RNMT: variants seen among roughly 807,000 people sequenced by gnomAD.
RNMT encodes the protein mRNA cap guanine-N(7) methyltransferase.
In RNMT, 27 loss-of-function variants were observed where a neutral mutation model predicts 56.0. The observed-to-expected ratio is 0.48, with a 90% CI of 0.36 to 0.67. The LOEUF (loss-of-function observed/expected upper bound fraction) is 0.67, where lower values mean the gene tolerates loss of function less well. RNMT is among the 30% of genes least tolerant of loss of function. RNMT has a pLI of 0.00. For missense variants in RNMT, 519 were observed against 552.1 expected (o/e 0.94, Z 0.60); for synonymous variants, 184 against 176.2 (o/e 1.04, Z -0.35).
intron 7 of RNMT, 135 bp from the exon 8 acceptor site, chr18:13,742,353 A>T: frequency 8.7e-6 from 6 of 688,172 alleles, no homozygotes; most frequent in Non-Finnish European, 1.4e-5. Context: ...AAAAAAAAAA[A>T]GGTAGCCCAG....
intron 8 of RNMT, 132 bp from the exon 9 acceptor site, chr18:13,746,088 C>T: frequency 1.6e-6 from 1 of 609,878 alleles, no homozygotes; most frequent in Non-Finnish European, 3.0e-6. Flanking sequence ...TTTTGTATTA[C>T]TGTATTGTGA....
chr18:13,740,921 A>G (rs1031574438), intron 6 of RNMT, among the ~76,000 whole-genome samples: 1 of 152,220 alleles, frequency 6.6e-6, no homozygotes, highest in Non-Finnish European at 1.5e-5. Context: ...TAGTTTCCCA[A>G]CATATCAGAG....
rs1241529588 is a variant in RNMT at position 13,726,957 on chromosome 18, C to G, written c.-172+228C>G. 4 of 152,322 alleles carry G rather than the reference C, an allele frequency of 2.6e-5. No individual in the cohort carries two copies. In the East Asian group the frequency reaches 5.8e-4, roughly 22 times the overall value. The allele number at this position is 152,322 out of a possible 1,614,324, so 9.4% of individuals were successfully genotyped here. Reference sequence around the variant, plus strand: ...GTTCCTCCTCCAGACTGGGCGAGCCCGGGTGGGAGAAGCAGCTCGAAGAGC... The same window carrying G: ...GTTCCTCCTCCAGACTGGGCGAGCCGGGGTGGGAGAAGCAGCTCGAAGAGC... On this transcript the variant is annotated intron_variant, in intron 1 of 11. Transcript: ENST00000383314.
intron 8 of RNMT, 51 bp from the exon 9 acceptor site, chr18:13,746,169 G>A (rs758952190): frequency 1.1e-6 from 1 of 923,050 alleles, no homozygotes; most frequent in Admixed American, 2.3e-5. Flanking sequence ...AGTAAGTTGA[G>A]GAATTACAAA....
chr18:13,732,050 A>G (rs549114025), intron 3 of RNMT, 116 bp downstream of exon 3: 49 of 839,786 alleles, frequency 5.8e-5, no homozygotes, highest in Admixed American at 8.7e-5. Flanking sequence ...TATTTTTAAT[A>G]GATATGGTCC....
intron 11 of RNMT, 102 bp downstream of exon 11, chr18:13,754,249 G>C (rs1221285824): frequency 8.6e-6 from 6 of 696,084 alleles, no homozygotes; most frequent in Non-Finnish European, 1.5e-5. Context: ...GCTCACACCA[G>C]TACTCTCAGT....
At position 13,740,126 on chromosome 18, in the gene RNMT, A is replaced by G. The variant is rs560308107; in HGVS notation, c.680-41A>G. 26 of 1,195,156 alleles carry G rather than the reference A, an allele frequency of 2.2e-5. 1 individual carries two copies. The highest frequency in any genetic ancestry group is 1.7e-4 in the African/African-American group (11 of 66,470). The allele number at this position is 1,195,156 out of a possible 1,614,324, so 74.0% of individuals were successfully genotyped here. On this transcript the variant is annotated intron_variant, in intron 5 of 11. Coordinates refer to ENST00000383314, the MANE Select transcript of RNMT (RefSeq NM_003799.3). ...TGAGATCAATGTCTAGATTTCTGGC[A>G]TTCTGTGTTGATACTTACTAATACC...
intron 7 of RNMT, 101 bp from the exon 8 acceptor site, chr18:13,742,387 T>C (rs2044265650): frequency 9.7e-7 from 1 of 1,036,188 alleles, no homozygotes; most frequent in Non-Finnish European, 1.4e-6. Flanking sequence ...GCTAATCAAG[T>C]GTGCATCATG....
At chr18:13,734,104 A>C (rs2044119723) in intron 3 of RNMT, among the ~76,000 whole-genome samples, 1 of 152,138 alleles carries the variant, frequency 6.6e-6, no homozygotes, top group African/African-American at 2.4e-5. Flanking sequence ...TTCCCCTTTT[A>C]CTTGGCTCTC....
rs1266261079 is a variant in RNMT at position 13,760,159 on chromosome 18, GT to G, written c.*181del. On this transcript the variant is annotated 3_prime_UTR_variant, in exon 12 of 12. Coordinates refer to ENST00000383314, the MANE Select transcript of RNMT (RefSeq NM_003799.3). ...GTCTGTGACAGATGAACTTTTGCATGTGTATATAAGAATGAGTTGGGACCTC... is the reference window on the plus strand; with the variant it reads ...GTCTGTGACAGATGAACTTTTGCATGGTATATAAGAATGAGTTGGGACCTC... The G allele has an allele frequency of 2.3e-6, 3 of 1,320,746 alleles. No homozygotes were observed. The African/African-American group carries it at 4.5e-5, about 20-fold the overall frequency. 81.8% of individuals were successfully genotyped at this position (1,320,746 alleles called of 1,614,324 possible). A position where few individuals can be genotyped will look rare whatever the true frequency, so the allele number is the denominator to read the frequency against.
chr18:13,737,269 G>A (rs1156941636), intron 5 of RNMT, 134 bp downstream of exon 5: 18 of 784,748 alleles, frequency 2.3e-5, no homozygotes, highest in Admixed American at 1.3e-4. Context: ...ACGGCCTGAC[G>A]CGGTGGCTCA....
chr18:13,749,199 A>G (rs2044399873), intron 9 of RNMT, among the ~76,000 whole-genome samples: 1 of 152,266 alleles, frequency 6.6e-6, no homozygotes. Context: ...TAAGCAGATA[A>G]TCACATGGAG....
intron 9 of RNMT, among the ~76,000 whole-genome samples, chr18:13,747,213 T>G (rs1278860312): frequency 8.3e-6 from 1 of 120,858 alleles, no homozygotes; most frequent in Non-Finnish European, 1.7e-5. Flanking sequence ...CACTAATTTT[T>G]TTCCTATTTT....
At position 13,761,042 on chromosome 18, in the gene RNMT, G is replaced by A; in HGVS notation, c.*1063G>A. On this transcript the variant is annotated 3_prime_UTR_variant, in exon 12 of 12. Transcript: ENST00000383314. ...TGTAGTGAAAAACTTCAAGAATGAA[G>A]CAGAGCAATTGAGTATTCTTTTTTA... The A allele has an allele frequency of 1.0e-6, 1 of 985,322 alleles. No individual in the cohort carries two copies. Among genetic ancestry groups the A allele is most frequent in the Non-Finnish European group, 1.2e-6 (1 of 829,818 alleles). 61.0% of individuals were successfully genotyped at this position (985,322 alleles called of 1,614,324 possible).
At chr18:13,755,628 A>G (rs1055122005) in intron 11 of RNMT, among the ~76,000 whole-genome samples, 1 of 152,160 alleles carries the variant, frequency 6.6e-6, no homozygotes, top group Non-Finnish European at 1.5e-5. Context: ...TTTTGAGGCT[A>G]TTTGTCTTTG....
At chr18:13,746,771 C>T (rs983222992) in intron 9 of RNMT, among the ~76,000 whole-genome samples, 4 of 152,198 alleles carry the variant, frequency 2.6e-5, no homozygotes, top group Non-Finnish European at 5.9e-5. Flanking sequence ...AAAATTGCCC[C>T]AAGTTGAGAA....
At position 13,744,159 on chromosome 18, in the gene RNMT, C is replaced by CTTTT. The variant is rs201093998; in HGVS notation, c.1139+1530_1139+1533dup. Reference sequence around the variant, plus strand: ...ATGCTAAACAAGACCTAGCGGTCTTCTTTTTTTTTTTTTTTTTTTTTTTTT... The same window carrying CTTTT: ...ATGCTAAACAAGACCTAGCGGTCTTCTTTTTTTTTTTTTTTTTTTTTTTTTTTTT... On this transcript the variant is annotated intron_variant, in intron 8 of 11. Coordinates refer to ENST00000383314, the MANE Select transcript of RNMT (RefSeq NM_003799.3). Among the ~76,000 whole-genome samples, 24 of 91,420 alleles carry CTTTT rather than the reference C, an allele frequency of 2.6e-4. 3 individuals are homozygous for CTTTT. Among genetic ancestry groups the CTTTT allele is most frequent in the African/African-American group, 1.0e-3 (19 of 18,908 alleles). 60.0% of individuals were successfully genotyped at this position (91,420 alleles called of 152,430 possible). A position where few individuals can be genotyped will look rare whatever the true frequency, so the allele number is the denominator to read the frequency against.
At chr18:13,734,951 A>T (rs1230285459) in intron 4 of RNMT, among the ~76,000 whole-genome samples, 1 of 152,220 alleles carries the variant, frequency 6.6e-6, no homozygotes, top group East Asian at 1.9e-4. Context: ...CAATTAGTTG[A>T]TAAAGATCAT....
chr18:13,740,704 A>G (rs2044238568), intron 6 of RNMT, among the ~76,000 whole-genome samples: 1 of 152,240 alleles, frequency 6.6e-6, no homozygotes. Flanking sequence ...TGAAACTTTA[A>G]AAATCTTGGA....
Sources: allele counts gnomAD v4.1 joint callset (sites outside exome capture counted in the v4.1 genomes callset), GRCh38; gene constraint gnomAD v4.1.1; transcripts MANE v1.5; gene names NCBI Gene and HGNC (gene_info 2026-07-23, HGNC 2026-07-21).